Variants in CYFIP2 observed in about 807,000 individuals in gnomAD.
CYFIP2 encodes cytoplasmic FMR1 interacting protein 2, also known as cytoplasmic FMR1-interacting protein 2.
A neutral mutation model predicts 158.7 loss-of-function variants in CYFIP2; 29 were observed. That is an observed-to-expected ratio of 0.18 (90% CI 0.14 to 0.25). The LOEUF is 0.25. Ranked by LOEUF, CYFIP2 falls within the 10% of genes least tolerant of loss-of-function variation. The pLI is 1.00. For synonymous variants in CYFIP2, 585 were observed against 617.6 expected, an observed-to-expected ratio of 0.95 and a Z score of 0.78; for missense variants, 852 against 1,639.5, an observed-to-expected ratio of 0.52 and a Z score of 8.29.
chr5:157,285,763 C>T (rs577102297), intron 2 of CYFIP2, among the ~76,000 whole-genome samples: 2 of 152,330 alleles, frequency 1.3e-5, no homozygotes, highest in East Asian at 3.9e-4. Flanking sequence ...AAGGTTTTGG[C>T]AGCTCTGGCC....
chr5:157,343,569 T>A, intron 23 of CYFIP2: 3 of 1,491,640 alleles, frequency 2.0e-6, no homozygotes, highest in Non-Finnish European at 2.7e-6. Context: ...AAGTGAAGAG[T>A]GACATCCCCT....
chr5:157,349,695 C>A (rs1272731617), intron 23 of CYFIP2, among the ~76,000 whole-genome samples: 1 of 152,194 alleles, frequency 6.6e-6, no homozygotes, highest in Non-Finnish European at 1.5e-5. Flanking sequence ...TTTCCACACT[C>A]TTTTCCATTA....
intron 23 of CYFIP2, among the ~76,000 whole-genome samples, chr5:157,358,647 C>CT (rs1237712668): frequency 6.6e-6 from 1 of 152,194 alleles, no homozygotes; most frequent in East Asian, 1.9e-4. Flanking sequence ...AGTAATGTCT[C>CT]TTAAGAAAGG....
chr5:157,376,643 C>T (rs1269894100), intron 26 of CYFIP2: 1 of 190,292 alleles, frequency 5.3e-6, no homozygotes, highest in Non-Finnish European at 1.1e-5. Context: ...TTATGTATTC[C>T]CTTGAACTCA....
At chr5:157,271,656 G>A (rs1284602439) in intron 1 of CYFIP2, 2 of 152,220 alleles carry the variant, frequency 1.3e-5, no homozygotes, top group Non-Finnish European at 2.9e-5. Flanking sequence ...TCATGGTTGA[G>A]AGAGAACCAA....
At chr5:157,326,029 G>T in intron 17 of CYFIP2, 142 bp from the exon 18 acceptor site, 1 of 678,826 alleles carries the variant, frequency 1.5e-6, no homozygotes. Flanking sequence ...TCTAAGCGGT[G>T]GAGGCTCAAG....
intron 13 of CYFIP2, among the ~76,000 whole-genome samples, chr5:157,317,851 GTAT>G (rs1418758478): frequency 2.0e-5 from 3 of 152,086 alleles, no homozygotes; most frequent in East Asian, 3.9e-4. Flanking sequence ...ATGAGTTTTG[GTAT>G]TATTCTTTTT....
rs1581174301 is a variant in CYFIP2, at chr5:157,374,637, G to T, written c.3040-7953G>T. Reference sequence around the variant, plus strand: ...TGGGCAGCAGCTTTCCTCCTGAAATGCCCACTTCCACCTGGTCAGATGCAC... The same window carrying T: ...TGGGCAGCAGCTTTCCTCCTGAAATTCCCACTTCCACCTGGTCAGATGCAC... On this transcript the variant is annotated intron_variant, in intron 26 of 30. Transcript: ENST00000620254. Among the ~76,000 whole-genome samples, 6 of 152,276 alleles carry T rather than the reference G, an allele frequency of 3.9e-5. 1 individual carries two copies. The highest frequency in any genetic ancestry group is 3.9e-4 in the Admixed American group (6 of 15,292).
At chr5:157,374,443 A>G (rs1336016403) in intron 26 of CYFIP2, among the ~76,000 whole-genome samples, 2 of 152,150 alleles carry the variant, frequency 1.3e-5, no homozygotes, top group South Asian at 2.1e-4. Context: ...TACATAAACT[A>G]TACCCAGCAG....
intron 26 of CYFIP2, among the ~76,000 whole-genome samples, chr5:157,368,424 C>T (rs1179300679): frequency 6.6e-6 from 1 of 151,992 alleles, no homozygotes; most frequent in Non-Finnish European, 1.5e-5. Context: ...TGATTTTGCC[C>T]ATCACTCTGA....
At chr5:157,371,570 G>A (rs72809231) in intron 26 of CYFIP2, among the ~76,000 whole-genome samples, 2,464 of 152,204 alleles carry the variant, frequency 0.016, 28 homozygotes, top group Non-Finnish European at 0.025. Flanking sequence ...ATATGTACGC[G>A]GAATCTTTAT....
intron 1 of CYFIP2, among the ~76,000 whole-genome samples, chr5:157,269,015 A>G (rs1007050270): frequency 1.3e-5 from 2 of 152,184 alleles, no homozygotes; most frequent in African/African-American, 4.8e-5. Context: ...TTATGTATTT[A>G]TTGTTATAAT....
At chr5:157,332,166 C>A (rs1481858075) in intron 20 of CYFIP2, among the ~76,000 whole-genome samples, 2 of 152,144 alleles carry the variant, frequency 1.3e-5, no homozygotes, top group Non-Finnish European at 2.9e-5. Flanking sequence ...CAGAGCCTAC[C>A]CTGAACCTCT....
intron 22 of CYFIP2, among the ~76,000 whole-genome samples, chr5:157,340,250 G>A (rs936690758): frequency 5.3e-5 from 8 of 152,236 alleles, no homozygotes; most frequent in African/African-American, 1.9e-4. Flanking sequence ...GTATTCATCT[G>A]CAGATCTTCT....
intron 3 of CYFIP2, among the ~76,000 whole-genome samples, chr5:157,289,826 A>G (rs401200): frequency 0.68 from 102,811 of 152,196 alleles, 35,590 homozygotes; most frequent in Admixed American, 0.8. Flanking sequence ...AAAATTAAAA[A>G]CAATGGAAAA....
At chr5:157,321,089 T>C (rs2113109600) in intron 15 of CYFIP2, among the ~76,000 whole-genome samples, 1 of 152,338 alleles carries the variant, frequency 6.6e-6, no homozygotes, top group South Asian at 2.1e-4. Flanking sequence ...ATGGGGATAA[T>C]ACCACCACAT....
At chr5:157,381,127 G>A (rs56389141) in intron 26 of CYFIP2, among the ~76,000 whole-genome samples, 15,371 of 151,908 alleles carry the variant, frequency 0.1, 902 homozygotes, top group African/African-American at 0.15. Flanking sequence ...CTATATATCC[G>A]ACCACCAGCT....
intron 4 of CYFIP2, chr5:157,296,396 C>A: frequency 2.4e-6 from 1 of 413,484 alleles, no homozygotes. Context: ...GAGTTCAAGA[C>A]TAGCCTGGGC....
At chr5:157,346,074 C>A (rs1762666572) in intron 23 of CYFIP2, among the ~76,000 whole-genome samples, 1 of 151,706 alleles carries the variant, frequency 6.6e-6, no homozygotes, top group African/African-American at 2.4e-5. Flanking sequence ...CTTCATCTTT[C>A]TTTATTCTTG....
Sources: allele counts gnomAD v4.1 joint callset (sites outside exome capture counted in the v4.1 genomes callset), GRCh38; gene constraint gnomAD v4.1.1; transcripts MANE v1.5; gene names NCBI Gene and HGNC (gene_info 2026-07-23, HGNC 2026-07-21).